The following PACSIN2 variants were observed in gnomAD, a reference collection of about 807,000 sequenced individuals.
PACSIN2 encodes protein kinase C and casein kinase substrate in neurons protein 2.
In PACSIN2, 25 loss-of-function variants were observed where a neutral mutation model predicts 63.8. The observed-to-expected ratio is 0.39, with a 90% CI of 0.29 to 0.55. PACSIN2 has a LOEUF of 0.55. Ranked by LOEUF, PACSIN2 falls within the 20% of genes least tolerant of loss-of-function variation. The pLI is 0.62. For missense variants in PACSIN2, 518 were observed against 646.9 expected (o/e 0.80, Z 2.16); for synonymous variants, 255 against 256.2 (o/e 1.00, Z 0.05).
At chr22:42,998,651 T>C (rs1479663365) in intron 1 of PACSIN2, among the ~76,000 whole-genome samples, 1 of 152,208 alleles carries the variant, frequency 6.6e-6, no homozygotes, top group African/African-American at 2.4e-5. Flanking sequence ...CATTTATATA[T>C]AGTAATGATA....
intron 1 of PACSIN2, among the ~76,000 whole-genome samples, chr22:42,999,578 G>C (rs540675098): frequency 6.6e-6 from 1 of 152,278 alleles, no homozygotes; most frequent in South Asian, 2.1e-4. Context: ...CTGAAGAAGA[G>C]AATCGCTTGA....
intron 6 of PACSIN2, 94 bp downstream of exon 6, chr22:42,884,289 GCGC>G: frequency 8.8e-7 from 1 of 1,132,970 alleles, no homozygotes; most frequent in Admixed American, 2.1e-5. Flanking sequence ...CCTGATGAAC[GCGC>G]CATCCCAAAC....
At chr22:42,935,085 T>TA (rs1214959465) in intron 1 of PACSIN2, among the ~76,000 whole-genome samples, 8 of 149,270 alleles carry the variant, frequency 5.4e-5, no homozygotes, top group African/African-American at 2.0e-4. Flanking sequence ...CCGGCTAATT[T>TA]TTTTTTTTTT....
At chr22:42,909,308 A>G (rs1931293033) in intron 2 of PACSIN2, 1 of 340,778 alleles carries the variant, frequency 2.9e-6, no homozygotes. Context: ...GACATATTCC[A>G]GTTAGTATCT....
chr22:42,923,674 G>A (rs918345136), intron 1 of PACSIN2, among the ~76,000 whole-genome samples: 21 of 152,120 alleles, frequency 1.4e-4, no homozygotes, highest in Non-Finnish European at 2.6e-4. Context: ...TGATCCGCCC[G>A]CCTCGGCCTC....
In PACSIN2 at chr22:42,903,454, G is replaced by T. The variant is rs566813956; in HGVS notation, c.60+8567C>A. Among the ~76,000 whole-genome samples the T allele has an allele frequency of 9.6e-4, 146 of 152,280 alleles. 1 individual carries two copies. Among genetic ancestry groups the T allele is most frequent in the African/African-American group, 3.3e-3 (136 of 41,546 alleles). On this transcript the variant is annotated intron_variant, in intron 2 of 10. Coordinates refer to ENST00000263246, the MANE Select transcript of PACSIN2 (RefSeq NM_001184970.3). ...TTGAAAACACCAAAGAGTAACAGGG[G>T]TCCTTGAAAAACCATCTAGTCCGTG...
chr22:42,934,994 C>T (rs549583440), intron 1 of PACSIN2, among the ~76,000 whole-genome samples: 2 of 152,096 alleles, frequency 1.3e-5, no homozygotes, highest in African/African-American at 4.8e-5. Context: ...CGGCTCACTG[C>T]AAGCTCCACC....
chr22:43,000,852 C>T (rs1234943261), intron 1 of PACSIN2, among the ~76,000 whole-genome samples: 1 of 152,238 alleles, frequency 6.6e-6, no homozygotes, highest in African/African-American at 2.4e-5. Context: ...TGCCGTGATC[C>T]AATCACATTG....
At chr22:43,003,369 G>A (rs1402721912) in intron 1 of PACSIN2, among the ~76,000 whole-genome samples, 1 of 152,236 alleles carries the variant, frequency 6.6e-6, no homozygotes, top group African/African-American at 2.4e-5. Flanking sequence ...CACTTCGGGA[G>A]GCCAAGGCAG....
intron 1 of PACSIN2, among the ~76,000 whole-genome samples, chr22:42,922,979 G>A (rs1209807614): frequency 3.9e-5 from 6 of 152,196 alleles, no homozygotes; most frequent in Non-Finnish European, 8.8e-5. Flanking sequence ...CAGTGGGCAT[G>A]AGAAGGACAG....
intron 1 of PACSIN2, among the ~76,000 whole-genome samples, chr22:42,943,899 T>C (rs1428255574): frequency 1.3e-5 from 2 of 152,218 alleles, no homozygotes; most frequent in South Asian, 4.1e-4. Context: ...AAAGACACAA[T>C]TGATAAAAAT....
At chr22:43,001,992 T>C (rs909351786) in intron 1 of PACSIN2, among the ~76,000 whole-genome samples, 2 of 151,964 alleles carry the variant, frequency 1.3e-5, no homozygotes, top group African/African-American at 4.8e-5. Context: ...TAAGGGACAG[T>C]GGAGGGTAGG....
Position 42,891,281 on chromosome 22 carries a change from G to C in PACSIN2, c.218-99C>G, listed in dbSNP as rs1270521310. On this transcript the variant is annotated intron_variant, in intron 3 of 10. Coordinates refer to ENST00000263246, the MANE Select transcript of PACSIN2 (RefSeq NM_001184970.3). The stretch of plus-strand genomic sequence containing the variant: ...GTTCAATGTGGCCATTTAGACCACA[G>C]AGGGTTTCCTTTCAGGGTTTCAGAT... The C allele has an allele frequency of 7.0e-6, 5 of 719,380 alleles. No individual in the cohort carries two copies. The Admixed American group carries it at 1.0e-4, about 15-fold the overall frequency. The allele number at this position is 719,380 out of a possible 1,614,324, so 44.6% of individuals were successfully genotyped here.
chr22:43,009,996 A>G (rs1449711841), intron 1 of PACSIN2, among the ~76,000 whole-genome samples: 2 of 149,814 alleles, frequency 1.3e-5, no homozygotes, highest in African/African-American at 2.5e-5. Flanking sequence ...CAGCCTCCCG[A>G]GTAGCTGAGA....
chr22:42,926,261 C>T (rs976082089), intron 1 of PACSIN2, among the ~76,000 whole-genome samples: 12 of 152,116 alleles, frequency 7.9e-5, no homozygotes, highest in Non-Finnish European at 2.9e-5. Context: ...AAAGGCTGGC[C>T]CCTCCCTCAA....
intron 1 of PACSIN2, among the ~76,000 whole-genome samples, chr22:42,987,804 G>A (rs991033480): frequency 3.9e-5 from 6 of 151,940 alleles, no homozygotes; most frequent in Non-Finnish European, 7.4e-5. Context: ...AAAGTGCTCG[G>A]ATTACAGGCA....
In PACSIN2 at chr22:42,869,885, G is replaced by C. The variant is rs1475877540; in HGVS notation, c.*1472C>G. 6.6e-6 allele frequency: 1 copy of C among 152,436 alleles called. No individual in the cohort carries two copies. Among genetic ancestry groups the C allele is most frequent in the African/African-American group, 2.4e-5 (1 of 41,470 alleles). 9.4% of individuals were successfully genotyped at this position (152,436 alleles called of 1,614,324 possible). ...TGGTAAATCCGTAGCACAGAAATGA[G>C]GATTTCTGCTGGTAAGTTCTCAGGA... On this transcript the variant is annotated 3_prime_UTR_variant, in exon 11 of 11. Coordinates refer to ENST00000263246, the MANE Select transcript of PACSIN2 (RefSeq NM_001184970.3).
At chr22:43,012,144 A>AAAATAAAT (rs545874406) in intron 1 of PACSIN2, among the ~76,000 whole-genome samples, 36 of 136,154 alleles carry the variant, frequency 2.6e-4, no homozygotes, top group African/African-American at 1.0e-3. Flanking sequence ...ACTCTGTCTC[A>AAAATAAAT]AAATAAATAA....
At chr22:42,910,273 A>G (rs1931359645) in intron 2 of PACSIN2, among the ~76,000 whole-genome samples, 1 of 152,204 alleles carries the variant, frequency 6.6e-6, no homozygotes, top group Non-Finnish European at 1.5e-5. Context: ...GCCAGCCAGC[A>G]ATGTCACTAC....
Sources: allele counts gnomAD v4.1 joint callset (sites outside exome capture counted in the v4.1 genomes callset), GRCh38; gene constraint gnomAD v4.1.1; transcripts MANE v1.5; gene names NCBI Gene and HGNC (gene_info 2026-07-23, HGNC 2026-07-21).